SNTG2: variants seen among roughly 807,000 people sequenced by gnomAD.
SNTG2 encodes syntrophin gamma 2.
SNTG2 carries 74 observed loss-of-function variants against 70.9 expected under a neutral mutation model. The observed-to-expected ratio is 1.04, with a 90% CI of 0.86 to 1.27. The LOEUF is 1.27. Ranked by LOEUF, SNTG2 falls within the 50% of genes most tolerant of loss-of-function variation. The pLI, the probability that SNTG2 is intolerant of heterozygous loss-of-function variation, is 0.00. For synonymous variants in SNTG2, 278 were observed against 273.8 expected (o/e 1.02, Z -0.15); for missense variants, 717 against 690.7 (o/e 1.04, Z -0.43).
At position 1,294,984 on chromosome 2, in the gene SNTG2, G is replaced by A. The variant is rs1572935505; in HGVS notation, c.1285-13510G>A. Among the ~76,000 whole-genome samples the A allele has an allele frequency of 2.6e-5, 4 of 152,226 alleles. No individual in the cohort carries two copies. In the East Asian group the frequency reaches 7.7e-4, roughly 29 times the overall value. ...TCTGACCTGGCTCCCTCTGGGATGA[G>A]GCGTTTGACGCAGGCTGTCTCGTTC... On this transcript the variant is annotated intron_variant, in intron 14 of 16. Coordinates refer to ENST00000308624, the MANE Select transcript of SNTG2 (RefSeq NM_018968.4).
At chr2:1,290,962 A>G (rs910809363) in intron 14 of SNTG2, among the ~76,000 whole-genome samples, 1 of 152,232 alleles carries the variant, frequency 6.6e-6, no homozygotes, top group African/African-American at 2.4e-5. Context: ...TAGCAATAGT[A>G]CACAAGGGTT....
At chr2:957,873 A>T (rs1454587721) in intron 1 of SNTG2, among the ~76,000 whole-genome samples, 1 of 152,188 alleles carries the variant, frequency 6.6e-6, no homozygotes, top group East Asian at 1.9e-4. Flanking sequence ...ATAAATGTGC[A>T]TTGTTTTAAG....
chr2:1,027,272 T>A lies in SNTG2; in HGVS notation c.73-56246T>A, dbSNP rs558315966. Among the ~76,000 whole-genome samples, 427 of 152,114 alleles carry A rather than the reference T, an allele frequency of 2.8e-3. 4 individuals are homozygous for A. Among genetic ancestry groups the A allele is most frequent in the African/African-American group, 9.7e-3 (403 of 41,486 alleles). On this transcript the variant is annotated intron_variant, in intron 1 of 16. Coordinates refer to ENST00000308624, the MANE Select transcript of SNTG2 (RefSeq NM_018968.4). ...TCTGTTGAGTAAAGAGATAAGCAGGTGCGTCTGACCCACAGACACTACCCA... is the reference window on the plus strand; with the variant it reads ...TCTGTTGAGTAAAGAGATAAGCAGGAGCGTCTGACCCACAGACACTACCCA...
intron 4 of SNTG2, among the ~76,000 whole-genome samples, chr2:1,105,917 C>T (rs1327878604): frequency 6.6e-6 from 1 of 152,252 alleles, no homozygotes; most frequent in Non-Finnish European, 1.5e-5. Flanking sequence ...AGGATGCACA[C>T]CTGGTGGCCC....
intron 9 of SNTG2, among the ~76,000 whole-genome samples, chr2:1,231,287 A>C (rs566651814): frequency 8.7e-5 from 13 of 149,444 alleles, no homozygotes; most frequent in African/African-American, 3.0e-4. Flanking sequence ...CAAAAGGTGA[A>C]TTACTTAGGA....
At chr2:1,078,000 C>G (rs1351886033) in intron 1 of SNTG2, among the ~76,000 whole-genome samples, 2 of 152,118 alleles carry the variant, frequency 1.3e-5, no homozygotes, top group African/African-American at 4.8e-5. Flanking sequence ...GTTTTCATGT[C>G]TCTCTGTAGC....
intron 8 of SNTG2, among the ~76,000 whole-genome samples, chr2:1,186,719 G>T (rs374359372): frequency 1.3e-5 from 2 of 152,130 alleles, no homozygotes; most frequent in Non-Finnish European, 2.9e-5. Context: ...GGGGAAATCT[G>T]CCCTCATGAT....
chr2:1,184,374 A>G (rs4519560), intron 8 of SNTG2, among the ~76,000 whole-genome samples: 34,778 of 152,196 alleles, frequency 0.23, 4,797 homozygotes, highest in East Asian at 0.44. Context: ...CAATAGACTC[A>G]GGCAACTAAA....
intron 16 of SNTG2, among the ~76,000 whole-genome samples, chr2:1,332,291 T>C (rs1370844733): frequency 6.6e-6 from 1 of 152,202 alleles, no homozygotes; most frequent in Non-Finnish European, 1.5e-5. Flanking sequence ...CTGATGTGTG[T>C]TGTAAAAGTG....
intron 14 of SNTG2, among the ~76,000 whole-genome samples, chr2:1,306,053 T>A (rs1174860826): frequency 6.6e-6 from 1 of 152,226 alleles, no homozygotes; most frequent in East Asian, 1.9e-4. Flanking sequence ...CTTTCAAACC[T>A]GAGCTGTGAG....
At chr2:1,004,481 TGAA>T (rs1365510071) in intron 1 of SNTG2, among the ~76,000 whole-genome samples, 2 of 152,196 alleles carry the variant, frequency 1.3e-5, no homozygotes, top group Admixed American at 1.3e-4. Context: ...TACAAAACCT[TGAA>T]GAACCCATTA....
In SNTG2 at chr2:1,203,188, A is replaced by G. The variant is rs367693862; in HGVS notation, c.592-5915A>G. The stretch of plus-strand genomic sequence containing the variant: ...GGGCCATGATCTACTACTTAGGACT[A>G]AAAAGATTTATACAAAACTCAAGTA... On this transcript the variant is annotated intron_variant, in intron 8 of 16. Transcript: ENST00000308624. 4.6e-5 allele frequency among the ~76,000 whole-genome samples: 7 copies of G among 152,316 alleles called. No individual in the cohort carries two copies. The East Asian group carries it at 9.6e-4, about 21-fold the overall frequency.
At chr2:1,331,751 GT>G (rs1360054623) in intron 16 of SNTG2, among the ~76,000 whole-genome samples, 2 of 152,284 alleles carry the variant, frequency 1.3e-5, no homozygotes, top group East Asian at 3.9e-4. Context: ...TGAAGTCATC[GT>G]TTTCTTATTT....
At chr2:1,136,444 T>G (rs993884764) in intron 4 of SNTG2, among the ~76,000 whole-genome samples, 1 of 151,848 alleles carries the variant, frequency 6.6e-6, no homozygotes, top group Non-Finnish European at 1.5e-5. Context: ...ATGCACAGTT[T>G]CGGTGCAAAT....
At chr2:1,131,356 G>A (rs916803856) in intron 4 of SNTG2, among the ~76,000 whole-genome samples, 4 of 152,180 alleles carry the variant, frequency 2.6e-5, no homozygotes, top group African/African-American at 9.7e-5. Context: ...AAGTTCCAGA[G>A]TCATGCTCAG....
chr2:1,090,491 A>G (rs1664951482), intron 2 of SNTG2, among the ~76,000 whole-genome samples: 1 of 152,158 alleles, frequency 6.6e-6, no homozygotes, highest in Non-Finnish European at 1.5e-5. Context: ...TCAGAGGGAG[A>G]GAGTGAGGCC....
In SNTG2 at chr2:1,304,726, CT is replaced by C. The variant is rs1485138969; in HGVS notation, c.1285-3767del. On this transcript the variant is annotated intron_variant, in intron 14 of 16. Coordinates refer to ENST00000308624, the MANE Select transcript of SNTG2 (RefSeq NM_018968.4). The stretch of plus-strand genomic sequence containing the variant: ...GGGCAATAAGAGCGAAACTCTCTCT[CT>C]CAAAAAAAAAAAAAAAGATGGTTTT... Among the ~76,000 whole-genome samples, 247 of 76,238 alleles carry C rather than the reference CT, an allele frequency of 3.2e-3. 2 individuals carry two copies. The highest frequency in any genetic ancestry group is 0.013 in the African/African-American group (230 of 17,994). 50.0% of individuals were successfully genotyped at this position (76,238 alleles called of 152,430 possible).
chr2:1,254,566 T>C (rs1214283601), intron 12 of SNTG2, among the ~76,000 whole-genome samples: 1 of 152,184 alleles, frequency 6.6e-6, no homozygotes, highest in Non-Finnish European at 1.5e-5. Context: ...ATTAAAAATA[T>C]TACTTGGAAA....
chr2:1,061,080 C>G (rs1354934880), intron 1 of SNTG2, among the ~76,000 whole-genome samples: 1 of 125,482 alleles, frequency 8.0e-6, no homozygotes, highest in Non-Finnish European at 1.8e-5. Context: ...AAATAACTGA[C>G]CCATGTTTCC....
Sources: allele counts gnomAD v4.1 joint callset (sites outside exome capture counted in the v4.1 genomes callset), GRCh38; gene constraint gnomAD v4.1.1; transcripts MANE v1.5; gene names NCBI Gene and HGNC (gene_info 2026-07-23, HGNC 2026-07-21).